CRACD: variants seen among roughly 807,000 people sequenced by gnomAD.
CRACD encodes the protein capping protein inhibiting regulator of actin dynamics.
A neutral mutation model predicts 106.8 loss-of-function variants in CRACD; 56 were observed. The observed-to-expected ratio is 0.52, with a 90% CI of 0.42 to 0.66. The LOEUF (loss-of-function observed/expected upper bound fraction) is 0.66, where lower values mean the gene tolerates loss of function less well. CRACD is among the 30% of genes least tolerant of loss of function. The pLI, the probability that CRACD is intolerant of heterozygous loss-of-function variation, is 0.00. For synonymous variants in CRACD, 754 were observed against 670.8 expected (o/e 1.12, Z -1.92); for missense variants, 1,730 against 1,623.2 (o/e 1.07, Z -1.13).
chr4:56,189,183 CA>C lies in CRACD; in HGVS notation c.-189+9766del, dbSNP rs538002429. Among the ~76,000 whole-genome samples, 612 of 127,646 alleles carry C rather than the reference CA, an allele frequency of 4.8e-3. 4 individuals are homozygous for C. The highest frequency in any genetic ancestry group is 0.011 in the African/African-American group (380 of 34,178). 83.7% of individuals were successfully genotyped at this position (127,646 alleles called of 152,430 possible). ...AGACAATGGGAGTAAGCCACTGTCT[CA>C]AAAAAAAAAAAACCAAAAACCATAT... On this transcript the variant is annotated intron_variant, in intron 2 of 10. Transcript: ENST00000682029.
chr4:56,130,722 T>C (rs1182268990), intron 1 of CRACD, among the ~76,000 whole-genome samples: 2 of 152,216 alleles, frequency 1.3e-5, no homozygotes, highest in Non-Finnish European at 2.9e-5. Flanking sequence ...TTGTTTTTTT[T>C]CCTGTTTCTT....
intron 1 of CRACD, among the ~76,000 whole-genome samples, chr4:56,061,163 A>G (rs1732255745): frequency 6.6e-6 from 1 of 152,048 alleles, no homozygotes; most frequent in African/African-American, 2.4e-5. Context: ...TCTGAGCATC[A>G]AATCTCTCTC....
Position 56,316,230 on chromosome 4 carries a change from C to G in CRACD, c.2728C>G (p.Arg910Gly), listed in dbSNP as rs1003914517. The change falls in exon 8 of 11, where the codon CGG (arginine) becomes GGG (glycine). Residue 910 changes from arginine (R) to glycine (G), a missense_variant. Physicochemically the swap from Arg to Gly is moderately radical, Grantham distance 125. Coordinates refer to ENST00000682029, the MANE Select transcript of CRACD (RefSeq NM_001393381.1). ...LKHGPSLPQE[R>G]KQAPSTRRDS... Reference sequence around the variant, plus strand: ...GCATGGTCCATCCCTCCCCCAAGAGCGGAAGCAAGCCCCTTCCACCCGGAG... The same window carrying G: ...GCATGGTCCATCCCTCCCCCAAGAGGGGAAGCAAGCCCCTTCCACCCGGAG... 1.2e-6 allele frequency: 2 copies of G among 1,613,846 alleles called. No individual in the cohort carries two copies. The highest frequency in any genetic ancestry group is 2.7e-5 in the African/African-American group (2 of 74,932).
chr4:56,252,096 G>T (rs569281669), intron 2 of CRACD, among the ~76,000 whole-genome samples: 2 of 152,038 alleles, frequency 1.3e-5, no homozygotes, highest in Non-Finnish European at 2.9e-5. Flanking sequence ...AGCAATTTTG[G>T]TCATGACCCA....
rs545629754 is a variant in CRACD, at chr4:56,119,562, T to A, written c.-335-59722T>A. ...GTTTTCCAGGCTGGTCTTGAACTCC[T>A]GGGCTCAAGTGATCTGCCTTCCTTG... On this transcript the variant is annotated intron_variant, in intron 1 of 10. Transcript: ENST00000682029. Among the ~76,000 whole-genome samples, 14 of 152,214 alleles carry A rather than the reference T, an allele frequency of 9.2e-5. No individual in the cohort carries two copies. In the East Asian group the frequency reaches 2.7e-3, roughly 29 times the overall value.
At chr4:56,158,871 G>T (rs1014741690) in intron 1 of CRACD, among the ~76,000 whole-genome samples, 5 of 152,234 alleles carry the variant, frequency 3.3e-5, no homozygotes, top group Admixed American at 3.3e-4. Context: ...GAACTCCAGA[G>T]AAATACAAGC....
intron 2 of CRACD, among the ~76,000 whole-genome samples, chr4:56,237,167 A>G (rs1253518110): frequency 6.6e-6 from 1 of 152,142 alleles, no homozygotes; most frequent in Non-Finnish European, 1.5e-5. Flanking sequence ...AATAGGGGGA[A>G]AGGTTGGAAG....
At chr4:56,119,166 G>A (rs1734397986) in intron 1 of CRACD, among the ~76,000 whole-genome samples, 1 of 152,076 alleles carries the variant, frequency 6.6e-6, no homozygotes, top group Admixed American at 6.6e-5. Context: ...AAAAAACACG[G>A]CAGAGTTAGA....
rs1380992763 is a variant in CRACD at position 56,328,089 on chromosome 4, G to A, written c.*285G>A. On this transcript the variant is annotated 3_prime_UTR_variant, in exon 11 of 11. Coordinates refer to ENST00000682029, the MANE Select transcript of CRACD (RefSeq NM_001393381.1). Reference sequence around the variant, plus strand: ...CTAAGCTAAGAACTCGTGAGAGCCTGCCATGCCCATTTCATGGCCTTGCAC... The same window carrying A: ...CTAAGCTAAGAACTCGTGAGAGCCTACCATGCCCATTTCATGGCCTTGCAC... 6 of 376,556 alleles carry A rather than the reference G, an allele frequency of 1.6e-5. No homozygotes were observed. The highest frequency in any genetic ancestry group is 1.2e-4 in the Admixed American group (3 of 25,560). The allele number at this position is 376,556 out of a possible 1,614,324, so 23.3% of individuals were successfully genotyped here.
At chr4:56,157,352 G>A (rs975517645) in intron 1 of CRACD, among the ~76,000 whole-genome samples, 1 of 152,232 alleles carries the variant, frequency 6.6e-6, no homozygotes, top group African/African-American at 2.4e-5. Flanking sequence ...AAACGATGAG[G>A]TTGTTAAGAA....
Position 56,211,777 on chromosome 4 carries a change from A to G in CRACD, c.-189+32347A>G, listed in dbSNP as rs373511432. On this transcript the variant is annotated intron_variant, in intron 2 of 10. Coordinates refer to ENST00000682029, the MANE Select transcript of CRACD (RefSeq NM_001393381.1). ...GGCATGACAGTATAAAACACCAATTAGGGAAGGATAGGTATGTGTAAAACA... is the reference window on the plus strand; with the variant it reads ...GGCATGACAGTATAAAACACCAATTGGGGAAGGATAGGTATGTGTAAAACA... Among the ~76,000 whole-genome samples, 17 of 152,310 alleles carry G rather than the reference A, an allele frequency of 1.1e-4. No individual in the cohort carries two copies. In the East Asian group the frequency reaches 2.9e-3, roughly 26 times the overall value.
At chr4:56,205,209 G>GC (rs71666120) in intron 2 of CRACD, among the ~76,000 whole-genome samples, 3,521 of 151,288 alleles carry the variant, frequency 0.023, 98 homozygotes, top group African/African-American at 0.062. Context: ...GCTTTCCCAT[G>GC]CCCCCCCCGC....
intron 1 of CRACD, among the ~76,000 whole-genome samples, chr4:56,098,878 T>C (rs1050993205): frequency 6.6e-6 from 1 of 152,180 alleles, no homozygotes; most frequent in African/African-American, 2.4e-5. Context: ...TTTCACCATA[T>C]TGGCCAGGCT....
chr4:56,101,362 T>A (rs886249070), intron 1 of CRACD, among the ~76,000 whole-genome samples: 1 of 152,158 alleles, frequency 6.6e-6, no homozygotes, highest in African/African-American at 2.4e-5. Context: ...TAAAATATTA[T>A]AAATTAAGCC....
At position 56,316,136 on chromosome 4, in the gene CRACD, C is replaced by G. The variant is rs1252120655; in HGVS notation, c.2634C>G (p.Ser878Arg). 1 of 1,614,132 alleles carries G rather than the reference C, an allele frequency of 6.2e-7. No homozygotes were observed. The highest frequency in any genetic ancestry group is 1.7e-5 in the Admixed American group (1 of 60,034). Reference sequence around the variant, plus strand: ...AGAGGCACAGCAGCACCGGAGACAGCGCGGATGCAGGGCCGCCTGCAGCGG... The same window carrying G: ...AGAGGCACAGCAGCACCGGAGACAGGGCGGATGCAGGGCCGCCTGCAGCGG... ...KKKRHSSTGD[S>R]ADAGPPAAGS... Residue 878 changes from serine to arginine, a missense_variant, in exon 8 of 11, where the codon AGC (serine) becomes AGG (arginine). Ser to Arg is a moderately radical substitution (Grantham distance 110). Coordinates refer to ENST00000682029, the MANE Select transcript of CRACD (RefSeq NM_001393381.1).
At chr4:56,200,188 C>T (rs1242527451) in intron 2 of CRACD, among the ~76,000 whole-genome samples, 1 of 151,338 alleles carries the variant, frequency 6.6e-6, no homozygotes, top group Non-Finnish European at 1.5e-5. Context: ...AAATGCCAGT[C>T]CCCAGAGAGC....
At position 56,088,656 on chromosome 4, in the gene CRACD, C is replaced by T. The variant is rs146073250; in HGVS notation, c.-336+39357C>T. Among the ~76,000 whole-genome samples the T allele has an allele frequency of 3.3e-5, 5 of 152,298 alleles. No individual in the cohort carries two copies. The East Asian group carries it at 9.6e-4, about 29-fold the overall frequency. ...ATTTGTGCCAAGTTACTTACTGCCT[C>T]TAAGGCTCTCATCTTTAAAATGGGC... is the stretch of plus-strand genomic sequence containing the variant. On this transcript the variant is annotated intron_variant, in intron 1 of 10. Transcript: ENST00000682029.
intron 1 of CRACD, among the ~76,000 whole-genome samples, chr4:56,115,246 A>C (rs996548662): frequency 2.0e-5 from 3 of 152,220 alleles, no homozygotes; most frequent in African/African-American, 7.2e-5. Flanking sequence ...ATTGTTGTAG[A>C]ACTATACAAT....
At chr4:56,183,290 A>AAAATAAAATAAAAAAAATAT (rs1560475172) in intron 2 of CRACD, among the ~76,000 whole-genome samples, 4 of 75,424 alleles carry the variant, frequency 5.3e-5, no homozygotes, top group African/African-American at 2.0e-4. Flanking sequence ...TAAAATAAAA[A>AAAATAAAATAAAAAAAATAT]GAATTAGGGG....
Sources: gnomAD v4.1 joint callset for allele counts (sites outside exome capture counted in the v4.1 genomes callset) on GRCh38, gnomAD v4.1.1 for gene constraint, MANE v1.5 for transcripts, NCBI Gene and HGNC (gene_info 2026-07-23, HGNC 2026-07-21) for gene names.